ACSBG1: variants seen among roughly 807,000 people sequenced by gnomAD.
ACSBG1 encodes the protein long-chain-fatty-acid--CoA ligase ACSBG1.
In ACSBG1, 39 loss-of-function variants were observed where a neutral mutation model predicts 80.2. The observed-to-expected ratio is 0.49, with a 90% CI of 0.38 to 0.64. The LOEUF is 0.64. ACSBG1 is among the 30% of genes least tolerant of loss of function. The pLI is 0.00. For synonymous variants in ACSBG1, 392 were observed against 379.5 expected (o/e 1.03, Z -0.38); for missense variants, 828 against 966.4 (o/e 0.86, Z 1.90).
At chr15:78,217,278 A>G (rs528786895) in intron 1 of ACSBG1, among the ~76,000 whole-genome samples, 1 of 152,348 alleles carries the variant, frequency 6.6e-6, no homozygotes. Flanking sequence ...TAACAGCCCA[A>G]TGAGGTACTA....
At position 78,231,054 on chromosome 15, in the gene ACSBG1, A is replaced by G. The variant is rs527518640; in HGVS notation, c.131+3317T>C. Reference sequence around the variant, plus strand: ...ATCATGGCTTGACCTCCCGGGCTCAATTGATTTTCCCACGTCAGCCTTCTG... The same window carrying G: ...ATCATGGCTTGACCTCCCGGGCTCAGTTGATTTTCCCACGTCAGCCTTCTG... On this transcript the variant is annotated intron_variant, in intron 1 of 13. Coordinates refer to ENST00000258873, the MANE Select transcript of ACSBG1 (RefSeq NM_015162.5). Among the ~76,000 whole-genome samples the G allele has an allele frequency of 2.6e-5, 4 of 152,280 alleles. No homozygotes were observed. The South Asian group carries it at 8.3e-4, about 32-fold the overall frequency.
In ACSBG1 at chr15:78,197,429, CAG is replaced by C. The variant is rs544377593; in HGVS notation, c.233-2705_233-2704del. Among the ~76,000 whole-genome samples the C allele has an allele frequency of 3.0e-4, 45 of 152,140 alleles. No individual in the cohort carries two copies. The South Asian group carries it at 8.1e-3, about 27-fold the overall frequency. ...GCTCAATAAAGCTACTTAAGAAAAA[CAG>C]AGAGAGGGCCCGCATGGTGGCTTAC... On this transcript the variant is annotated intron_variant, in intron 2 of 13. Transcript: ENST00000258873.
intron 8 of ACSBG1, chr15:78,181,148 C>G: frequency 1.7e-6 from 1 of 594,114 alleles, no homozygotes; most frequent in Non-Finnish European, 2.9e-6. Context: ...GTCAGGCAGC[C>G]AGTGCTGACC....
At chr15:78,175,600 C>G (rs1389045216) in intron 11 of ACSBG1, among the ~76,000 whole-genome samples, 1 of 152,204 alleles carries the variant, frequency 6.6e-6, no homozygotes, top group Non-Finnish European at 1.5e-5. Flanking sequence ...GAGACAGAGG[C>G]TGGAGAGGAG....
chr15:78,199,697 A>C (rs1043977874), intron 2 of ACSBG1, among the ~76,000 whole-genome samples: 1 of 143,974 alleles, frequency 6.9e-6, no homozygotes, highest in African/African-American at 2.6e-5. Context: ...AGGTCTTGCT[A>C]TGTTGCCCAG....
At chr15:78,224,443 GGC>G (rs1456877050) in intron 1 of ACSBG1, among the ~76,000 whole-genome samples, 2 of 152,180 alleles carry the variant, frequency 1.3e-5, no homozygotes, top group Admixed American at 6.5e-5. Context: ...AGCTGGGCCG[GGC>G]GTGGTGGCTC....
intron 1 of ACSBG1, among the ~76,000 whole-genome samples, chr15:78,227,691 A>C (rs955762579): frequency 1.3e-5 from 2 of 152,262 alleles, no homozygotes; most frequent in African/African-American, 4.8e-5. Context: ...CAAGAATTTC[A>C]TAGCAGCTTT....
chr15:78,176,519 A>AT (rs2074883907), intron 11 of ACSBG1, among the ~76,000 whole-genome samples: 1 of 152,220 alleles, frequency 6.6e-6, no homozygotes, highest in Non-Finnish European at 1.5e-5. Flanking sequence ...AGGAGAAAAA[A>AT]AATTTTGCGG....
chr15:78,220,435 G>A (rs1480831794), intron 1 of ACSBG1, among the ~76,000 whole-genome samples: 1 of 151,704 alleles, frequency 6.6e-6, no homozygotes, highest in Non-Finnish European at 1.5e-5. Flanking sequence ...TTTTAGATAA[G>A]GTTAAAAAGC....
intron 1 of ACSBG1, among the ~76,000 whole-genome samples, chr15:78,215,754 GAAA>G (rs1567096340): frequency 2.0e-4 from 30 of 148,422 alleles, no homozygotes; most frequent in Non-Finnish European, 2.7e-4. Flanking sequence ...AAGAAAGAAA[GAAA>G]GAAAGAAAGA....
intron 3 of ACSBG1, 81 bp downstream of exon 3, chr15:78,194,425 T>G: frequency 1.5e-6 from 2 of 1,345,438 alleles, no homozygotes; most frequent in Non-Finnish European, 2.1e-6. Flanking sequence ...CAGTGGGCAG[T>G]TGGAGAGGAG....
chr15:78,225,117 T>C (rs1369838847), intron 1 of ACSBG1, among the ~76,000 whole-genome samples: 1 of 152,132 alleles, frequency 6.6e-6, no homozygotes, highest in East Asian at 1.9e-4. Flanking sequence ...AATACAGTTT[T>C]AGCTAGGCAC....
intron 4 of ACSBG1, 56 bp from the exon 5 acceptor site, chr15:78,193,682 T>TGC: frequency 1.3e-6 from 2 of 1,560,260 alleles, no homozygotes; most frequent in East Asian, 2.3e-5. Flanking sequence ...GCCACCCCCT[T>TGC]CCCCCACCCC....
intron 8 of ACSBG1, 104 bp from the exon 9 acceptor site, chr15:78,181,040 G>C: frequency 1.5e-6 from 2 of 1,355,414 alleles, no homozygotes; most frequent in Non-Finnish European, 2.0e-6. Context: ...ATGCTCCAAC[G>C]GGCACCCACA....
chr15:78,208,194 C>A (rs2075234289), intron 1 of ACSBG1, 92 bp from the exon 2 acceptor site: 4 of 903,228 alleles, frequency 4.4e-6, no homozygotes, highest in Admixed American at 2.0e-5. Context: ...CATCTCAGCA[C>A]CCCCAGGGGG....
intron 1 of ACSBG1, chr15:78,212,526 A>T: frequency 2.2e-6 from 1 of 454,798 alleles, no homozygotes; most frequent in Non-Finnish European, 4.4e-6. Flanking sequence ...GAGGCGGGGG[A>T]AGGTGGGCTC....
Position 78,194,650 on chromosome 15 carries a change from G to A in ACSBG1, c.309C>T (p.Tyr103=). 1 of 1,614,240 alleles carries A rather than the reference G, an allele frequency of 6.2e-7. No homozygotes were observed. Among genetic ancestry groups the A allele is most frequent in the Non-Finnish European group, 8.5e-7 (1 of 1,180,040 alleles). The change falls in exon 3 of 14, where the codon TAC becomes TAT. Residue 103 remains tyrosine (Y), a synonymous_variant. Transcript: ENST00000258873. ...RIDPSCPQLP[Y]TVHRMFYEAL... ...CCTCGTAGAACATCCGATGCACAGT[G>A]TAGGGAAGCTGTGGGCAGCTGGGGT...
intron 2 of ACSBG1, among the ~76,000 whole-genome samples, chr15:78,202,955 G>A (rs1246104048): frequency 6.6e-6 from 1 of 152,150 alleles, no homozygotes; most frequent in Non-Finnish European, 1.5e-5. Context: ...TGGTAGAGCC[G>A]TATCATGGAT....
chr15:78,220,358 T>C (rs2141382668), intron 1 of ACSBG1, among the ~76,000 whole-genome samples: 1 of 152,326 alleles, frequency 6.6e-6, no homozygotes, highest in African/African-American at 2.4e-5. Context: ...ACCTAAATGC[T>C]AGAACTGTAA....
Sources: gnomAD v4.1 joint callset for allele counts (sites outside exome capture counted in the v4.1 genomes callset) on GRCh38, gnomAD v4.1.1 for gene constraint, MANE v1.5 for transcripts, NCBI Gene and HGNC (gene_info 2026-07-23, HGNC 2026-07-21) for gene names.